Variants in ZNF577 observed in about 807,000 individuals in gnomAD.
ZNF577 encodes zinc finger protein 577.
ZNF577 carries 14 observed loss-of-function variants against 13.9 expected under a neutral mutation model. That is an observed-to-expected ratio of 1.00 (90% CI 0.66 to 1.57). ZNF577 has a LOEUF of 1.57. Ranked by LOEUF, ZNF577 falls within the 40% of genes most tolerant of loss-of-function variation. The probability of loss-of-function intolerance (pLI) is 0.00; values close to 1 mark genes in which losing one functional copy is unlikely to be tolerated. For synonymous variants in ZNF577, 203 were observed against 202.9 expected (o/e 1.00, Z 0.00); for missense variants, 555 against 579.2 (o/e 0.96, Z 0.43).
intron 5 of ZNF577, among the ~76,000 whole-genome samples, chr19:51,851,421 C>T (rs77356161): frequency 0.067 from 10,136 of 152,218 alleles, 472 homozygotes; most frequent in Non-Finnish European, 0.099. Context: ...TACAAATATA[C>T]ATTAAGTATT....
intron 9 of ZNF577, among the ~76,000 whole-genome samples, chr19:51,821,936 A>C (rs951923147): frequency 7.9e-5 from 12 of 152,214 alleles, no homozygotes; most frequent in Admixed American, 7.9e-4. Context: ...CAAGGTAGGA[A>C]GAGTCTCTAA....
rs1434507642 is a variant in ZNF577 at position 51,882,829 on chromosome 19, G to C, written c.-218-1952C>G. On this transcript the variant is annotated intron_variant, in intron 1 of 5. Coordinates refer to ENST00000638348, the MANE Select transcript of ZNF577 (RefSeq NM_001370449.1). ...AAAAAGGCTTCCACTTCAAATAAAA[G>C]TTAGGATGCTTCCAAACCATTACAA... Among the ~76,000 whole-genome samples the C allele has an allele frequency of 3.3e-5, 5 of 151,896 alleles. No individual in the cohort carries two copies. The East Asian group carries it at 9.7e-4, about 29-fold the overall frequency.
Position 51,868,910 on chromosome 19 carries a change from TG to T in ZNF577, c.*3621del, listed in dbSNP as rs1211982850. Among the ~76,000 whole-genome samples, 2 of 152,040 alleles carry T rather than the reference TG, an allele frequency of 1.3e-5. No individual in the cohort carries two copies. Among genetic ancestry groups the T allele is most frequent in the African/African-American group, 4.8e-5 (2 of 41,366 alleles). ...TTACTAGATTTAGGGCTGTGCAGGA[TG>T]TGCTTTGTTAAAATGTGTTTGCAGG... On this transcript the variant is annotated 3_prime_UTR_variant, in exon 6 of 6. Transcript: ENST00000638348.
At chr19:51,839,881 T>C (rs12460012) in intron 9 of ZNF577, 53,253 of 152,068 alleles carry the variant, frequency 0.35, 9,678 homozygotes, top group South Asian at 0.48. Context: ...CCAACAGCGC[T>C]GGGAAACTCA....
chr19:51,856,243 A>C (rs2084418177), intron 5 of ZNF577, among the ~76,000 whole-genome samples: 1 of 152,208 alleles, frequency 6.6e-6, no homozygotes, highest in Non-Finnish European at 1.5e-5. Flanking sequence ...TAACTTTACA[A>C]GTAAATACCC....
chr19:51,808,992 C>T (rs1568428668), intron 10 of ZNF577, among the ~76,000 whole-genome samples: 1 of 152,196 alleles, frequency 6.6e-6, no homozygotes, highest in East Asian at 1.9e-4. Flanking sequence ...CAATGACCCT[C>T]GTCAGAAATC....
rs1231252790 is a variant in ZNF577, at chr19:51,867,851, C to A, written c.*4681G>T. ...CAAAGCTAGGGTTGGAAAAAGCCCT[C>A]AGAGGTCAGACTAATCAGCACCAAT... On this transcript the variant is annotated 3_prime_UTR_variant, in exon 6 of 6. Coordinates refer to ENST00000638348, the MANE Select transcript of ZNF577 (RefSeq NM_001370449.1). Among the ~76,000 whole-genome samples, 2 of 152,106 alleles carry A rather than the reference C, an allele frequency of 1.3e-5. No homozygotes were observed. Among genetic ancestry groups the A allele is most frequent in the Non-Finnish European group, 2.9e-5 (2 of 68,016 alleles).
chr19:51,849,876 C>T (rs1480342358), intron 5 of ZNF577, among the ~76,000 whole-genome samples: 1 of 152,136 alleles, frequency 6.6e-6, no homozygotes, highest in Non-Finnish European at 1.5e-5. Context: ...GAATACTATT[C>T]GTCAACAAAA....
chr19:51,835,368 T>C (rs969847505), intron 9 of ZNF577, among the ~76,000 whole-genome samples: 11 of 150,278 alleles, frequency 7.3e-5, no homozygotes, highest in Non-Finnish European at 1.6e-4. Context: ...ATCTAAATAG[T>C]CCAATACCTA....
downstream of ZNF577, among the ~76,000 whole-genome samples, chr19:51,865,392 C>T (rs1439001076): frequency 4.4e-5 from 6 of 135,246 alleles, no homozygotes; most frequent in African/African-American, 6.8e-5. Flanking sequence ...CCACCATGCC[C>T]GCGCCTTCCC....
chr19:51,851,048 A>G (rs1003713124), intron 5 of ZNF577, among the ~76,000 whole-genome samples: 2 of 152,246 alleles, frequency 1.3e-5, no homozygotes, highest in South Asian at 2.1e-4. Flanking sequence ...TCTCAAATCT[A>G]TACTCAAATT....
At chr19:51,825,154 C>T (rs748879160) in intron 9 of ZNF577, 2 of 235,742 alleles carry the variant, frequency 8.5e-6, no homozygotes, top group African/African-American at 4.6e-5. Flanking sequence ...CCCACTACCC[C>T]CTCTTTGGGG....
chr19:51,814,854 G>C (rs2084122982), intron 9 of ZNF577, among the ~76,000 whole-genome samples: 1 of 151,744 alleles, frequency 6.6e-6, no homozygotes, highest in African/African-American at 2.4e-5. Context: ...CTGTCCCACA[G>C]GCTGGAGTGC....
chr19:51,864,737 T>C (rs1973626428), downstream of ZNF577, among the ~76,000 whole-genome samples: 1 of 152,210 alleles, frequency 6.6e-6, no homozygotes, highest in African/African-American at 2.4e-5. Flanking sequence ...AGGAAATATC[T>C]AGCCTGTAGA....
At chr19:51,818,005 ACTTTT>A (rs1313046176) in intron 9 of ZNF577, among the ~76,000 whole-genome samples, 6 of 139,574 alleles carry the variant, frequency 4.3e-5, no homozygotes, top group African/African-American at 8.2e-5. Context: ...TCTTTTCTTT[ACTTTT>A]CTTTTATTAT....
intron 5 of ZNF577, chr19:51,860,390 C>G (rs1415307710): frequency 6.6e-6 from 1 of 152,284 alleles, no homozygotes; most frequent in African/African-American, 2.4e-5. Context: ...AAATGTATGA[C>G]TCTGCTGAAG....
rs576420968 is a variant in ZNF577, at chr19:51,869,119, C to T, written c.*3413G>A. 3.9e-5 allele frequency among the ~76,000 whole-genome samples: 6 copies of T among 152,072 alleles called. No homozygotes were observed. The highest frequency in any genetic ancestry group is 1.4e-4 in the African/African-American group (6 of 41,408). On this transcript the variant is annotated 3_prime_UTR_variant, in exon 6 of 6. Transcript: ENST00000638348. ...GGAAAGACCTGACCGTCCCCAAGCC[C>T]GATACCCATAAAGGGTCTGTGCTGA...
chr19:51,816,064 TAAAA>T (rs200656360), intron 9 of ZNF577, among the ~76,000 whole-genome samples: 1 of 139,116 alleles, frequency 7.2e-6, no homozygotes, highest in African/African-American at 2.6e-5. Flanking sequence ...GAGATCCTAT[TAAAA>T]AAAAAAAAAA....
At chr19:51,857,257 C>G (rs191600429) in intron 5 of ZNF577, among the ~76,000 whole-genome samples, 86 of 151,350 alleles carry the variant, frequency 5.7e-4, no homozygotes, top group Non-Finnish European at 5.6e-4. Context: ...CGATATCGTG[C>G]CACCGCATTT....
Sources: allele counts gnomAD v4.1 joint callset (sites outside exome capture counted in the v4.1 genomes callset), GRCh38; gene constraint gnomAD v4.1.1; transcripts MANE v1.5; gene names NCBI Gene and HGNC (gene_info 2026-07-23, HGNC 2026-07-21).